SIK3: variants seen among roughly 807,000 people sequenced by gnomAD.
SIK3 encodes the protein serine/threonine-protein kinase SIK3.
SIK3 carries 28 observed loss-of-function variants against 144.2 expected under a neutral mutation model. That is an observed-to-expected ratio of 0.19 (90% CI 0.14 to 0.27). The LOEUF is 0.27. Among genes scored for constraint, SIK3 ranks in the 10% least tolerant of loss-of-function variants. SIK3 has a pLI of 1.00. For synonymous variants in SIK3, 686 were observed against 676.3 expected (o/e 1.01, Z -0.22); for missense variants, 1,319 against 1,776.0 (o/e 0.74, Z 4.62).
intron 1 of SIK3, among the ~76,000 whole-genome samples, chr11:116,978,051 T>C (rs758281832): frequency 6.6e-6 from 1 of 152,092 alleles, no homozygotes; most frequent in Non-Finnish European, 1.5e-5. Flanking sequence ...ACCCCATCTC[T>C]ACTAAAATTA....
chr11:116,974,136 A>G (rs1949865882), intron 1 of SIK3, among the ~76,000 whole-genome samples: 2 of 152,170 alleles, frequency 1.3e-5, no homozygotes, highest in Non-Finnish European at 2.9e-5. Context: ...TGTATCTGCA[A>G]TTTTTCTACA....
intron 1 of SIK3, among the ~76,000 whole-genome samples, chr11:117,096,079 C>T (rs757303677): frequency 3.9e-5 from 6 of 152,202 alleles, no homozygotes; most frequent in African/African-American, 1.2e-4. Flanking sequence ...CACATATACA[C>T]ACACATGAAA....
intron 5 of SIK3, 72 bp from the exon 6 acceptor site, chr11:116,896,448 T>C: frequency 6.6e-7 from 1 of 1,522,272 alleles, no homozygotes; most frequent in Non-Finnish European, 9.0e-7. Context: ...GTAGTGTGTG[T>C]ATGCAGATGA....
chr11:116,996,819 C>CA (rs11329513), intron 1 of SIK3, among the ~76,000 whole-genome samples: 1,517 of 58,380 alleles, frequency 0.026, 187 homozygotes, highest in East Asian at 0.045. Flanking sequence ...GACTCTCTCT[C>CA]AAAAAAAAAA....
intron 1 of SIK3, among the ~76,000 whole-genome samples, chr11:117,076,440 TC>T (rs1954539457): frequency 6.6e-6 from 1 of 152,214 alleles, no homozygotes; most frequent in African/African-American, 2.4e-5. Flanking sequence ...AAGGCATTCT[TC>T]CGAAACCTTT....
intron 1 of SIK3, among the ~76,000 whole-genome samples, chr11:116,962,283 C>G (rs527533011): frequency 6.6e-6 from 1 of 152,066 alleles, no homozygotes; most frequent in Non-Finnish European, 1.5e-5. Flanking sequence ...GAAAGAACTA[C>G]GTAGGAGGGA....
At chr11:116,958,395 C>CA (rs1949223388) in intron 1 of SIK3, among the ~76,000 whole-genome samples, 1 of 152,166 alleles carries the variant, frequency 6.6e-6, no homozygotes, top group African/African-American at 2.4e-5. Context: ...CAGCTGTACT[C>CA]AAAGAGCATT....
chr11:117,058,164 A>C (rs1342595391), intron 1 of SIK3, among the ~76,000 whole-genome samples: 1 of 152,188 alleles, frequency 6.6e-6, no homozygotes, highest in East Asian at 1.9e-4. Flanking sequence ...AGGGCCAGTG[A>C]AGCTAAGGCG....
Position 116,849,353 on chromosome 11 carries a change from A to G in SIK3, c.3656-70T>C. ...CCAGCACTGGAAACTCCCATCCAAG[A>G]AATGTCTTGCAAGGGACAATGGGCA... On this transcript the variant is annotated intron_variant, in intron 21 of 24. Coordinates refer to ENST00000445177, the MANE Select transcript of SIK3 (RefSeq NM_001366686.3). This position sits in a 1 kb window ranked among gnomAD's most constrained non-coding sequence, Gnocchi z 4.2. The G allele has an allele frequency of 6.3e-7, 1 of 1,587,880 alleles. No homozygotes were observed. Among genetic ancestry groups the G allele is most frequent in the South Asian group, 1.1e-5 (1 of 89,620 alleles).
At chr11:117,038,381 G>C (rs1952601850) in intron 1 of SIK3, among the ~76,000 whole-genome samples, 1 of 142,936 alleles carries the variant, frequency 7.0e-6, no homozygotes, top group Admixed American at 7.2e-5. Flanking sequence ...TTTTGAGACA[G>C]AGTCTCGCTC....
At chr11:116,910,384 A>C (rs1946275905) in intron 4 of SIK3, among the ~76,000 whole-genome samples, 1 of 152,178 alleles carries the variant, frequency 6.6e-6, no homozygotes, top group South Asian at 2.1e-4. Context: ...AGTTTTAGTA[A>C]TCTTTCAGAT....
chr11:116,992,482 C>A (rs1283512501), intron 1 of SIK3, among the ~76,000 whole-genome samples: 2 of 151,986 alleles, frequency 1.3e-5, no homozygotes, highest in Non-Finnish European at 2.9e-5. Context: ...TACATTGAGG[C>A]CAAAGTAAAA....
intron 1 of SIK3, among the ~76,000 whole-genome samples, chr11:117,047,672 G>A (rs1344774828): frequency 6.6e-6 from 1 of 152,124 alleles, no homozygotes; most frequent in African/African-American, 2.4e-5. Flanking sequence ...GGCCAGATGT[G>A]GTGGCTCATG....
chr11:117,035,024 G>C (rs1952433372), intron 1 of SIK3, among the ~76,000 whole-genome samples: 1 of 152,114 alleles, frequency 6.6e-6, no homozygotes, highest in Non-Finnish European at 1.5e-5. Context: ...GTTTTGAACT[G>C]AACTTTTTTA....
chr11:116,979,635 T>A (rs11216212), intron 1 of SIK3, among the ~76,000 whole-genome samples: 11,107 of 152,088 alleles, frequency 0.073, 502 homozygotes, highest in African/African-American at 0.11. Context: ...TCACTTGAGG[T>A]CAGGAGTTCA....
chr11:116,875,320 G>T (rs1393157564), intron 10 of SIK3, 53 bp from the exon 11 acceptor site: 2 of 1,612,812 alleles, frequency 1.2e-6, no homozygotes, highest in Non-Finnish European at 1.7e-6. Context: ...AGGGAAGCAA[G>T]GATATGGCAA....
At chr11:116,995,104 C>T (rs6589586) in intron 1 of SIK3, among the ~76,000 whole-genome samples, 151,932 of 151,940 alleles carry the variant, frequency 1, 75,962 homozygotes, top group Middle Eastern at 1. Context: ...CTTGTCTCTA[C>T]AAAAATACAA....
chr11:116,893,741 T>C (rs1343102334), intron 6 of SIK3: 1 of 152,538 alleles, frequency 6.6e-6, no homozygotes, highest in African/African-American at 2.4e-5. Flanking sequence ...TGTTAATCAC[T>C]GCTGGGCAGT....
intron 1 of SIK3, among the ~76,000 whole-genome samples, chr11:117,091,242 T>A (rs548157287): frequency 6.7e-6 from 1 of 148,452 alleles, no homozygotes. Flanking sequence ...TTCACTCTTG[T>A]TGCCCAGGCT....
Sources: gnomAD v4.1 joint callset for allele counts (sites outside exome capture counted in the v4.1 genomes callset) on GRCh38, gnomAD v4.1.1 for gene constraint, Gnocchi (gnomAD v3.1) non-coding constraint, MANE v1.5 for transcripts, NCBI Gene and HGNC (gene_info 2026-07-23, HGNC 2026-07-21) for gene names.